Variants in MATN2 observed in about 807,000 individuals in gnomAD.
MATN2 encodes matrilin 2.
MATN2 carries 69 observed loss-of-function variants against 103.2 expected under a neutral mutation model. The ratio of observed to expected loss-of-function variants is 0.67; its 90% CI spans 0.55 to 0.82. The LOEUF is 0.82. Among genes scored for constraint, MATN2 ranks in the 40% least tolerant of loss-of-function variants. The pLI is 0.00. For missense variants in MATN2, 1,023 were observed against 1,211.5 expected (o/e 0.84, Z 2.31); for synonymous variants, 429 against 450.2 (o/e 0.95, Z 0.60).
intron 5 of MATN2, among the ~76,000 whole-genome samples, chr8:97,968,417 C>G (rs79502232): frequency 1.3e-5 from 2 of 152,216 alleles, no homozygotes; most frequent in East Asian, 3.8e-4. Flanking sequence ...CATGGCTAGG[C>G]TGCAAATTTT....
At chr8:97,921,914 C>T (rs141296195) in intron 2 of MATN2, among the ~76,000 whole-genome samples, 144 of 152,308 alleles carry the variant, frequency 9.5e-4, no homozygotes, top group African/African-American at 3.2e-3. Flanking sequence ...GGAACCAGGC[C>T]GCACAGCAGG....
chr8:97,870,786 T>C (rs566644705), intron 1 of MATN2, among the ~76,000 whole-genome samples: 23 of 152,274 alleles, frequency 1.5e-4, no homozygotes, highest in African/African-American at 4.8e-4. Flanking sequence ...GCCAACCTCA[T>C]AAAACCATGT....
chr8:97,869,504 G>C (rs953265598), intron 1 of MATN2, among the ~76,000 whole-genome samples: 76 of 152,206 alleles, frequency 5.0e-4, no homozygotes, highest in African/African-American at 1.7e-3. Flanking sequence ...CCCCTCGGCC[G>C]GGAGAGCTGG....
chr8:97,898,895 C>T (rs776234724), intron 2 of MATN2, among the ~76,000 whole-genome samples: 18 of 150,366 alleles, frequency 1.2e-4, no homozygotes, highest in Non-Finnish European at 2.2e-4. Context: ...ATTACAAGCA[C>T]GCACCACCAT....
intron 3 of MATN2, among the ~76,000 whole-genome samples, chr8:97,941,186 G>C (rs2512025): frequency 5.7e-5 from 4 of 70,078 alleles, no homozygotes; most frequent in South Asian, 8.1e-4. Flanking sequence ...AAAAAAAAAA[G>C]AAAGAAAGAA....
intron 2 of MATN2, among the ~76,000 whole-genome samples, chr8:97,896,328 C>G (rs1818804302): frequency 6.6e-6 from 1 of 152,210 alleles, no homozygotes; most frequent in South Asian, 2.1e-4. Flanking sequence ...GGTGATGTCA[C>G]CAATTCCCCT....
intron 2 of MATN2, among the ~76,000 whole-genome samples, chr8:97,897,101 A>G (rs975969358): frequency 1.3e-5 from 2 of 152,244 alleles, no homozygotes; most frequent in African/African-American, 2.4e-5. Context: ...TTGTGCATCA[A>G]AAGCTCCTGG....
At chr8:98,030,233 G>C (rs1181883320) in intron 14 of MATN2, among the ~76,000 whole-genome samples, 7 of 152,180 alleles carry the variant, frequency 4.6e-5, no homozygotes, top group Admixed American at 4.6e-4. Flanking sequence ...CAACAGGTTA[G>C]TAGTTTAGTT....
At chr8:98,034,314 A>T in intron 18 of MATN2, 1 of 405,298 alleles carries the variant, frequency 2.5e-6, no homozygotes, top group South Asian at 1.7e-5. Context: ...GCTTTTACAT[A>T]TTGAACACCC....
chr8:97,991,022 A>G (rs1007943232), intron 6 of MATN2, among the ~76,000 whole-genome samples: 1 of 152,218 alleles, frequency 6.6e-6, no homozygotes, highest in East Asian at 1.9e-4. Flanking sequence ...TTATACCTCA[A>G]AAAAACTAAA....
Position 97,919,804 on chromosome 8 carries a change from G to A in MATN2, c.143-11149G>A, listed in dbSNP as rs929279286. Among the ~76,000 whole-genome samples the A allele has an allele frequency of 2.6e-5, 4 of 152,188 alleles. No individual in the cohort carries two copies. The East Asian group carries it at 7.7e-4, about 29-fold the overall frequency. On this transcript the variant is annotated intron_variant, in intron 2 of 18. Coordinates refer to ENST00000254898, the MANE Select transcript of MATN2 (RefSeq NM_002380.5). ...GGATTCATAGAAGATACTGCTTGTG[G>A]CCAGGTAGCTGCATGTGTGAGATAC...
At position 97,931,649 on chromosome 8, in the gene MATN2, A is replaced by G. The variant is rs1469089539; in HGVS notation, c.712+127A>G. The G allele has an allele frequency of 1.2e-6, 1 of 859,384 alleles. No individual in the cohort carries two copies. Among genetic ancestry groups the G allele is most frequent in the Non-Finnish European group, 1.7e-6 (1 of 572,524 alleles). The allele number at this position is 859,384 out of a possible 1,614,324, so 53.2% of individuals were successfully genotyped here. On this transcript the variant is annotated intron_variant, in intron 3 of 18. Coordinates refer to ENST00000254898, the MANE Select transcript of MATN2 (RefSeq NM_002380.5). The surrounding 1 kb of genome is among the most constrained non-coding windows in gnomAD (Gnocchi z 4.1). ...GGCAATAGGTTTTCAACAAAGGCCAAGATAAACACAACGTGCTCCAGGGGC... is the reference window on the plus strand; with the variant it reads ...GGCAATAGGTTTTCAACAAAGGCCAGGATAAACACAACGTGCTCCAGGGGC...
chr8:97,985,095 G>A (rs1216997229), intron 6 of MATN2, among the ~76,000 whole-genome samples: 1 of 152,140 alleles, frequency 6.6e-6, no homozygotes, highest in Admixed American at 6.5e-5. Flanking sequence ...AAGAAAATAA[G>A]GTTTATTTGG....
At chr8:97,948,297 T>C (rs1165474726) in intron 4 of MATN2, among the ~76,000 whole-genome samples, 1 of 152,210 alleles carries the variant, frequency 6.6e-6, no homozygotes, top group Non-Finnish European at 1.5e-5. Flanking sequence ...GCTGAGAAAG[T>C]GTCATGGGTA....
At chr8:97,884,773 T>TAACAAC (rs200495037) in intron 1 of MATN2, among the ~76,000 whole-genome samples, 8 of 151,818 alleles carry the variant, frequency 5.3e-5, no homozygotes, top group South Asian at 4.2e-4. Context: ...TGTCTCCAAA[T>TAACAAC]AACAACAACA....
At chr8:97,993,954 G>C (rs1812478041) in intron 6 of MATN2, among the ~76,000 whole-genome samples, 1 of 151,848 alleles carries the variant, frequency 6.6e-6, no homozygotes, top group African/African-American at 2.4e-5. Context: ...TTTGTTTGTT[G>C]CATAAACGTT....
At chr8:97,956,437 A>G (rs1485637530) in intron 4 of MATN2, among the ~76,000 whole-genome samples, 5 of 152,178 alleles carry the variant, frequency 3.3e-5, no homozygotes, top group Admixed American at 6.5e-5. Flanking sequence ...TCGGTCTCCG[A>G]AAATGCTGGG....
chr8:97,929,241 A>G (rs1164424090), intron 2 of MATN2, among the ~76,000 whole-genome samples: 1 of 152,232 alleles, frequency 6.6e-6, no homozygotes, highest in Non-Finnish European at 1.5e-5. Flanking sequence ...TGGCCTGGAC[A>G]GGATGACTTC....
chr8:97,958,467 C>T (rs891441254), intron 4 of MATN2, among the ~76,000 whole-genome samples: 1 of 152,208 alleles, frequency 6.6e-6, no homozygotes, highest in African/African-American at 2.4e-5. Context: ...TCTATAAACA[C>T]ATACGTAGTT....
Sources: gnomAD v4.1 joint callset for allele counts (sites outside exome capture counted in the v4.1 genomes callset) on GRCh38, gnomAD v4.1.1 for gene constraint, Gnocchi (gnomAD v3.1) non-coding constraint, MANE v1.5 for transcripts, NCBI Gene and HGNC (gene_info 2026-07-23, HGNC 2026-07-21) for gene names.